The following ZFPM1 variants were observed in gnomAD, a reference collection of about 807,000 sequenced individuals.
The protein encoded by ZFPM1 is zinc finger protein ZFPM1.
Under a neutral mutation model 46.3 loss-of-function variants are expected in ZFPM1, and 28 were observed. The ratio of observed to expected loss-of-function variants is 0.60; its 90% CI spans 0.45 to 0.83. The LOEUF is 0.83. Ranked by LOEUF, ZFPM1 falls within the 40% of genes least tolerant of loss-of-function variation. The pLI is 0.00. For synonymous variants in ZFPM1, 957 were observed against 675.9 expected (o/e 1.42, Z -6.45); for missense variants, 1,878 against 1,432.4 (o/e 1.31, Z -5.02).
chr16:88,461,156 GCGGGAGACC>G, intron 1 of ZFPM1, among the ~76,000 whole-genome samples: 2 of 130,964 alleles, frequency 1.5e-5, no homozygotes, highest in African/African-American at 7.0e-5. Flanking sequence ...GGACCGAGGG[GCGGGAGACC>G]TGGTGAGGAC....
At chr16:88,491,437 C>A (rs1450725378) in intron 3 of ZFPM1, among the ~76,000 whole-genome samples, 1 of 152,232 alleles carries the variant, frequency 6.6e-6, no homozygotes, top group Admixed American at 6.5e-5. Flanking sequence ...TGACCCAAGT[C>A]TCTGGAGGAG....
At chr16:88,494,422 C>A in intron 3 of ZFPM1, among the ~76,000 whole-genome samples, 1 of 152,226 alleles carries the variant, frequency 6.6e-6, no homozygotes, top group Non-Finnish European at 1.5e-5. Context: ...GCAGTGCGGC[C>A]CCGCTGTCCA....
At chr16:88,527,461 T>G (rs558732306) in intron 5 of ZFPM1, among the ~76,000 whole-genome samples, 66 of 152,138 alleles carry the variant, frequency 4.3e-4, no homozygotes, top group Non-Finnish European at 8.1e-4. Flanking sequence ...CTTAGGCAGG[T>G]CCACTGGCCA....
chr16:88,488,013 G>A (rs113487531), intron 2 of ZFPM1, among the ~76,000 whole-genome samples: 42 of 152,336 alleles, frequency 2.8e-4, no homozygotes, highest in Middle Eastern at 3.4e-3. Flanking sequence ...TCCCGGGGCC[G>A]GGCTCTTAAC....
Position 88,533,560 on chromosome 16 carries a change from C to T in ZFPM1, c.1602C>T (p.Asp534=). Residue 534 remains aspartate, a synonymous_variant, in exon 10 of 10, where the codon GAC becomes GAT. Transcript: ENST00000319555. ...LFLPQYVFGP[D]AAPPASEILA... The stretch of plus-strand genomic sequence containing the variant: ...TTCCGCAGTACGTGTTCGGGCCCGA[C>T]GCGGCGCCCCCCGCCTCGGAGATCC... 1 of 1,483,036 alleles carries T rather than the reference C, an allele frequency of 6.7e-7. No homozygotes were observed. The highest frequency in any genetic ancestry group is 2.2e-5 in the Admixed American group (1 of 45,206). 91.9% of individuals were successfully genotyped at this position (1,483,036 alleles called of 1,614,324 possible).
chr16:88,530,018 C>T (rs1404122323), intron 6 of ZFPM1, among the ~76,000 whole-genome samples: 1 of 152,160 alleles, frequency 6.6e-6, no homozygotes, highest in African/African-American at 2.4e-5. Context: ...AGAACACGGG[C>T]CGCAGGTGAC....
chr16:88,524,736 C>A (rs1007700993), intron 4 of ZFPM1, among the ~76,000 whole-genome samples: 1 of 152,186 alleles, frequency 6.6e-6, no homozygotes. Context: ...AGGACTGACC[C>A]CCCTGAGACT....
chr16:88,485,642 G>A (rs1325726985), intron 1 of ZFPM1, among the ~76,000 whole-genome samples: 2 of 152,032 alleles, frequency 1.3e-5, no homozygotes, highest in East Asian at 3.9e-4. Flanking sequence ...GTCTTGCCAT[G>A]TTGCCCAGGC....
At chr16:88,495,804 C>T (rs1327483327) in intron 3 of ZFPM1, among the ~76,000 whole-genome samples, 1 of 152,160 alleles carries the variant, frequency 6.6e-6, no homozygotes, top group Admixed American at 6.5e-5. Context: ...GGGTTCCCTT[C>T]ACCAGGAGGC....
chr16:88,507,568 C>T lies in ZFPM1; in HGVS notation c.269-6819C>T, dbSNP rs1258420512. On this transcript the variant is annotated intron_variant, in intron 3 of 9. Coordinates refer to ENST00000319555, the MANE Select transcript of ZFPM1 (RefSeq NM_153813.3). ...CAGGTTGGCTGGACGGGGTATGACT[C>T]AGAGGACGGTGCTCAGCCACTGTCC... Among the ~76,000 whole-genome samples the T allele has an allele frequency of 3.3e-5, 5 of 152,216 alleles. No individual in the cohort carries two copies. In the East Asian group the frequency reaches 5.8e-4, roughly 18 times the overall value.
Position 88,533,181 on chromosome 16 carries a change from C to T in ZFPM1, c.1223C>T (p.Ala408Val), listed in dbSNP as rs1163064052. The T allele has an allele frequency of 1.3e-6, 2 of 1,526,000 alleles. No homozygotes were observed. The highest frequency in any genetic ancestry group is 2.5e-5 in the South Asian group (2 of 78,942). 94.5% of individuals were successfully genotyped at this position (1,526,000 alleles called of 1,614,324 possible). Residue 408 changes from alanine (A) to valine (V), a missense_variant, in exon 10 of 10, where the codon GCC (alanine) becomes GTC (valine). Physicochemically the swap from Ala to Val is moderately conservative, Grantham distance 64. Coordinates refer to ENST00000319555, the MANE Select transcript of ZFPM1 (RefSeq NM_153813.3). The stretch of plus-strand genomic sequence containing the variant: ...GGCAGCTTCCAGCAGCAGCACACGG[C>T]CCTGCAAGGCCCCCTGGCCTCCGCG... ...SLGSFQQQHT[A>V]LQGPLASADL...
rs750754567 is a variant in ZFPM1, at chr16:88,526,807, C to A, written c.403-7C>A. 3.8e-5 allele frequency: 59 copies of A among 1,543,178 alleles called. No individual in the cohort carries two copies. Among genetic ancestry groups the A allele is most frequent in the Admixed American group, 9.8e-5 (5 of 50,902 alleles). ...CCTCCCCACGTGTTCCTACCCTCCCCCCCCAGAGCCCAGCCCTGACCCTGC... is the reference window on the plus strand; with the variant it reads ...CCTCCCCACGTGTTCCTACCCTCCCACCCCAGAGCCCAGCCCTGACCCTGC... On this transcript the variant is annotated splice_polypyrimidine_tract_variant and splice_region_variant and intron_variant, in intron 4 of 9. Transcript: ENST00000319555.
intron 1 of ZFPM1, among the ~76,000 whole-genome samples, chr16:88,483,327 C>A (rs1022688713): frequency 6.6e-6 from 1 of 152,058 alleles, no homozygotes; most frequent in East Asian, 1.9e-4. Context: ...GGATGAGGGT[C>A]CCCTCCTCCC....
chr16:88,493,203 G>A (rs1470913241), intron 3 of ZFPM1, among the ~76,000 whole-genome samples: 25 of 100,180 alleles, frequency 2.5e-4, no homozygotes, highest in African/African-American at 6.8e-4. Flanking sequence ...CAGGGTGCGG[G>A]GAGCTGTCCC....
intron 3 of ZFPM1, among the ~76,000 whole-genome samples, chr16:88,508,087 A>G (rs374141495): frequency 1.3e-5 from 2 of 152,316 alleles, no homozygotes. Flanking sequence ...ATTTGAGGTC[A>G]GGAGTTCAAG....
At chr16:88,484,287 C>T (rs552774003) in intron 1 of ZFPM1, among the ~76,000 whole-genome samples, 2 of 152,302 alleles carry the variant, frequency 1.3e-5, no homozygotes, top group Middle Eastern at 3.4e-3. Flanking sequence ...TAGCCAGAGG[C>T]GCAAACCCCG....
intron 1 of ZFPM1, among the ~76,000 whole-genome samples, chr16:88,461,240 T>TGA (rs1567525938): frequency 1.4e-5 from 1 of 70,798 alleles, no homozygotes; most frequent in Non-Finnish European, 2.8e-5. Flanking sequence ...GACCCAGGGG[T>TGA]GGGGCGGGAG....
chr16:88,479,867 C>T (rs1288744674), intron 1 of ZFPM1, among the ~76,000 whole-genome samples: 1 of 137,380 alleles, frequency 7.3e-6, no homozygotes, highest in African/African-American at 2.7e-5. Flanking sequence ...CCCCCGCTGC[C>T]ACCCCCGCAG....
upstream of ZFPM1, among the ~76,000 whole-genome samples, chr16:88,452,349 ACTGCTC>A (rs1907313269): frequency 6.6e-6 from 1 of 152,132 alleles, no homozygotes; most frequent in African/African-American, 2.4e-5. Flanking sequence ...CTGACCTCTG[ACTGCTC>A]CGAGAGGGGG....
Sources: allele counts gnomAD v4.1 joint callset (sites outside exome capture counted in the v4.1 genomes callset), GRCh38; gene constraint gnomAD v4.1.1; transcripts MANE v1.5; gene names NCBI Gene and HGNC (gene_info 2026-07-23, HGNC 2026-07-21).